KLHL1: variants seen among roughly 807,000 people sequenced by gnomAD.
KLHL1 encodes kelch-like protein 1.
A neutral mutation model predicts 77.7 loss-of-function variants in KLHL1; 47 were observed. The observed-to-expected ratio is 0.60, with a 90% CI of 0.48 to 0.77. The LOEUF (loss-of-function observed/expected upper bound fraction) is 0.77. Ranked by LOEUF, KLHL1 falls within the 30% of genes least tolerant of loss-of-function variation. The probability of loss-of-function intolerance (pLI) is 0.00; values close to 1 mark genes in which losing one functional copy is unlikely to be tolerated. For synonymous variants in KLHL1, 360 were observed against 325.2 expected (o/e 1.11, Z -1.15); for missense variants, 925 against 910.8 (o/e 1.02, Z -0.20).
rs1185282462 is a variant in KLHL1, at chr13:70,027,649, G to GT, written c.498-51848dup. On this transcript the variant is annotated intron_variant, in intron 1 of 10. Transcript: ENST00000377844. ...GGCATTTTTGAAGCGCAAAATGTAA[G>GT]TTGTTTTTTTTTTTTTATGAACTGA... Among the ~76,000 whole-genome samples, 6 of 109,330 alleles carry GT rather than the reference G, an allele frequency of 5.5e-5. No individual in the cohort carries two copies. In the East Asian group the frequency reaches 8.5e-4, roughly 16 times the overall value. The allele number at this position is 109,330 out of a possible 152,430, so 71.7% of individuals were successfully genotyped here. A position where few individuals can be genotyped will look rare whatever the true frequency, so the allele number is the denominator to read the frequency against.
At chr13:69,729,729 A>G (rs1165585560) in intron 8 of KLHL1, among the ~76,000 whole-genome samples, 1 of 152,174 alleles carries the variant, frequency 6.6e-6, no homozygotes, top group African/African-American at 2.4e-5. Flanking sequence ...GGAGAAGAAA[A>G]AGATGCCAAG....
chr13:70,042,144 A>T (rs574269102), intron 1 of KLHL1, among the ~76,000 whole-genome samples: 21 of 151,968 alleles, frequency 1.4e-4, no homozygotes, highest in Non-Finnish European at 2.4e-4. Flanking sequence ...GTAGTTTGGG[A>T]TATATAAGGA....
At chr13:69,923,672 G>A (rs1429402419) in intron 4 of KLHL1, among the ~76,000 whole-genome samples, 2 of 152,160 alleles carry the variant, frequency 1.3e-5, no homozygotes, top group Admixed American at 6.5e-5. Flanking sequence ...AAGGAGGAGA[G>A]TTAGTGAGAG....
intron 1 of KLHL1, among the ~76,000 whole-genome samples, chr13:70,022,291 GT>G (rs1885822496): frequency 1.3e-5 from 2 of 151,042 alleles, no homozygotes; most frequent in Non-Finnish European, 2.9e-5. Flanking sequence ...TTGTGTGTGT[GT>G]GTGTGTGTGT....
chr13:70,104,557 C>A (rs1372027437), intron 1 of KLHL1, among the ~76,000 whole-genome samples: 1 of 151,930 alleles, frequency 6.6e-6, no homozygotes, highest in Non-Finnish European at 1.5e-5. Context: ...AAGAGAAGAT[C>A]AATAAAATGA....
chr13:70,086,216 T>C (rs971722145), intron 1 of KLHL1, among the ~76,000 whole-genome samples: 7 of 151,782 alleles, frequency 4.6e-5, no homozygotes, highest in African/African-American at 1.7e-4. Flanking sequence ...TAAAATTATG[T>C]TGTGAGAGAG....
At chr13:69,719,876 G>T (rs933597435) in intron 8 of KLHL1, among the ~76,000 whole-genome samples, 4 of 151,568 alleles carry the variant, frequency 2.6e-5, no homozygotes, top group Middle Eastern at 3.4e-3. Context: ...AGTAATATTA[G>T]TATATTAGTT....
At chr13:70,022,291 GTGTGTGTGTGTGTA>G (rs370678112) in intron 1 of KLHL1, among the ~76,000 whole-genome samples, 33,949 of 151,032 alleles carry the variant, frequency 0.22, 4,107 homozygotes, top group African/African-American at 0.34. Context: ...TTGTGTGTGT[GTGTGTGTGTGTGTA>G]TGTGTTTGGT....
intron 7 of KLHL1, among the ~76,000 whole-genome samples, chr13:69,779,205 C>T (rs1488002979): frequency 2.0e-5 from 3 of 152,220 alleles, no homozygotes; most frequent in East Asian, 1.9e-4. Flanking sequence ...ATTGAAAAGA[C>T]ACCAGGGAAT....
intron 1 of KLHL1, among the ~76,000 whole-genome samples, chr13:70,084,354 G>A (rs1024451487): frequency 6.6e-6 from 1 of 151,850 alleles, no homozygotes; most frequent in Non-Finnish European, 1.5e-5. Flanking sequence ...GATCCTTTTC[G>A]AGTTGAATAC....
chr13:69,707,556 C>T (rs1875679667), intron 10 of KLHL1, 69 bp downstream of exon 10: 2 of 1,427,460 alleles, frequency 1.4e-6, no homozygotes, highest in South Asian at 1.4e-5. Flanking sequence ...TTTGTATACC[C>T]CTCCTCCACA....
At chr13:70,068,191 A>C in intron 1 of KLHL1, among the ~76,000 whole-genome samples, 1 of 151,784 alleles carries the variant, frequency 6.6e-6, no homozygotes, top group Non-Finnish European at 1.5e-5. Context: ...AATACAAAAA[A>C]TTGGCCGGGC....
intron 1 of KLHL1, among the ~76,000 whole-genome samples, chr13:70,018,226 G>A (rs1466284632): frequency 6.6e-6 from 1 of 152,084 alleles, no homozygotes; most frequent in Admixed American, 6.6e-5. Flanking sequence ...TTACTCACAA[G>A]TACCCTATAA....
chr13:69,734,742 A>G (rs1873693565), intron 8 of KLHL1, among the ~76,000 whole-genome samples: 2 of 152,174 alleles, frequency 1.3e-5, no homozygotes, highest in Admixed American at 1.3e-4. Context: ...TGATGAAATT[A>G]GAAGTGATAT....
At chr13:70,085,437 A>G (rs570945385) in intron 1 of KLHL1, among the ~76,000 whole-genome samples, 1 of 152,208 alleles carries the variant, frequency 6.6e-6, no homozygotes, top group Non-Finnish European at 1.5e-5. Context: ...AAAAAGAAAC[A>G]TGTAAGTCAA....
chr13:69,784,881 C>CCTTTT (rs1566250066), intron 7 of KLHL1, among the ~76,000 whole-genome samples: 1 of 110,884 alleles, frequency 9.0e-6, no homozygotes, highest in African/African-American at 3.3e-5. Context: ...ACAGAATATA[C>CCTTTT]ATTTTTTTTT....
intron 4 of KLHL1, among the ~76,000 whole-genome samples, chr13:69,896,344 C>G (rs1881638621): frequency 6.6e-6 from 1 of 152,132 alleles, no homozygotes; most frequent in African/African-American, 2.4e-5. Flanking sequence ...TTCACTGTAT[C>G]TTATCGTTGG....
chr13:69,996,848 G>A (rs1239368958), intron 1 of KLHL1, among the ~76,000 whole-genome samples: 1 of 145,754 alleles, frequency 6.9e-6, no homozygotes, highest in Non-Finnish European at 1.5e-5. Context: ...GTGAAAGTAA[G>A]TATACAAATT....
chr13:69,757,957 CAAAAAAA>C (rs59302694), intron 7 of KLHL1, among the ~76,000 whole-genome samples: 11,448 of 72,850 alleles, frequency 0.16, 668 homozygotes, highest in African/African-American at 0.25. Flanking sequence ...AACTCCATCT[CAAAAAAA>C]AAAAAAAAAA....
Sources: gnomAD v4.1 joint callset for allele counts (sites outside exome capture counted in the v4.1 genomes callset) on GRCh38, gnomAD v4.1.1 for gene constraint, MANE v1.5 for transcripts, NCBI Gene and HGNC (gene_info 2026-07-23, HGNC 2026-07-21) for gene names.